Variants in DPP6 observed in about 807,000 individuals in gnomAD.
DPP6 encodes A-type potassium channel modulatory protein DPP6.
Under a neutral mutation model 122.6 loss-of-function variants are expected in DPP6, and 69 were observed. The observed-to-expected ratio is 0.56, with a 90% confidence interval of 0.46 to 0.69. The LOEUF (loss-of-function observed/expected upper bound fraction) is 0.69. DPP6 is among the 30% of genes least tolerant of loss of function. The pLI, the probability that DPP6 is intolerant of heterozygous loss-of-function variation, is 0.00. For synonymous variants in DPP6, 418 were observed against 433.1 expected (o/e 0.97, Z 0.43); for missense variants, 928 against 1,116.9 (o/e 0.83, Z 2.41).
In DPP6 at chr7:154,477,044, A is replaced by G. The variant is rs571183990; in HGVS notation, c.457+2007A>G. 2.1e-3 allele frequency among the ~76,000 whole-genome samples: 323 copies of G among 151,860 alleles called. 1 individual carries two copies. The highest frequency in any genetic ancestry group is 3.7e-3 in the Non-Finnish European group (252 of 67,950). ...CGGTTAACTGTAATCATGCCATTGC[A>G]CTCCAACCTGGGTGACAGAGCGAGA... On this transcript the variant is annotated intron_variant, in intron 3 of 25. Coordinates refer to ENST00000377770, the MANE Select transcript of DPP6 (RefSeq NM_130797.4).
chr7:153,830,849 T>G, the DPP6 span, among the ~76,000 whole-genome samples: 3 of 152,268 alleles, frequency 2.0e-5, no homozygotes, highest in Non-Finnish European at 4.4e-5. Context: ...TACGTCATTC[T>G]ATTAAATACT....
At chr7:154,672,469 C>A (rs192559854) in intron 7 of DPP6, among the ~76,000 whole-genome samples, 1 of 152,334 alleles carries the variant, frequency 6.6e-6, no homozygotes, top group African/African-American at 2.4e-5. Flanking sequence ...TTAGTTAATA[C>A]ATTTTTGTGG....
At chr7:154,446,429 T>C (rs1000469324) in intron 2 of DPP6, 101 bp downstream of exon 2, 4 of 696,044 alleles carry the variant, frequency 5.7e-6, no homozygotes, top group South Asian at 2.7e-5. Flanking sequence ...ACATAATTTA[T>C]TTTTCCCAAG....
intron 7 of DPP6, among the ~76,000 whole-genome samples, chr7:154,714,628 A>G (rs1371576053): frequency 6.6e-6 from 1 of 152,166 alleles, no homozygotes; most frequent in Non-Finnish European, 1.5e-5. Context: ...AAACTGCCCC[A>G]TGATTCAATT....
chr7:154,160,277 A>G (rs1169717990), intron 1 of DPP6, among the ~76,000 whole-genome samples: 2 of 152,142 alleles, frequency 1.3e-5, no homozygotes, highest in Non-Finnish European at 2.9e-5. Context: ...AGCATCATGT[A>G]TAAATGGAGC....
chr7:153,915,192 A>C (rs1800254850), intron 1 of DPP6, among the ~76,000 whole-genome samples: 1 of 152,200 alleles, frequency 6.6e-6, no homozygotes, highest in Non-Finnish European at 1.5e-5. Context: ...TCCGCCCAAC[A>C]AAGAACCTTC....
the DPP6 span, among the ~76,000 whole-genome samples, chr7:153,846,635 T>C: frequency 6.6e-6 from 1 of 151,864 alleles, no homozygotes; most frequent in Admixed American, 6.6e-5. Context: ...CAATTCCAAT[T>C]ATATGTGTGT....
intron 1 of DPP6, among the ~76,000 whole-genome samples, chr7:154,368,494 G>C (rs1812368842): frequency 6.6e-6 from 1 of 152,230 alleles, no homozygotes; most frequent in South Asian, 2.1e-4. Flanking sequence ...TGCGGCTGCA[G>C]TGTTTACTCC....
Position 154,727,791 on chromosome 7 carries a change from T to A in DPP6, c.787T>A (p.Tyr263Asn). The A allele has an allele frequency of 6.2e-7, 1 of 1,613,806 alleles. No homozygotes were observed. The highest frequency in any genetic ancestry group is 2.2e-5 in the East Asian group (1 of 44,888). Reference protein sequence around the residue: ...QLIFIFENNIYYCAHVGKQAI... With the variant: ...QLIFIFENNINYCAHVGKQAI... The stretch of plus-strand genomic sequence containing the variant: ...GATATTTATTTTTGAAAACAATATC[T>A]ACTACTGTGCACATGTCGGGAAACA... The change falls in exon 8 of 26, where the codon TAC becomes AAC. Residue 263 changes from tyrosine (Y) to asparagine (N), a missense_variant. Transcript: ENST00000377770.
intron 1 of DPP6, among the ~76,000 whole-genome samples, chr7:154,114,650 C>T (rs1228446954): frequency 1.3e-5 from 2 of 152,178 alleles, no homozygotes; most frequent in African/African-American, 4.8e-5. Context: ...CGTTGCTCAA[C>T]TCCCAGGCAC....
intron 7 of DPP6, among the ~76,000 whole-genome samples, chr7:154,679,441 G>A (rs554144879): frequency 6.6e-6 from 1 of 152,236 alleles, no homozygotes; most frequent in East Asian, 1.9e-4. Context: ...CCTGCATCCG[G>A]TCCGCAGTTC....
intron 3 of DPP6, among the ~76,000 whole-genome samples, chr7:154,504,049 T>A (rs950830310): frequency 6.6e-6 from 1 of 152,226 alleles, no homozygotes; most frequent in Non-Finnish European, 1.5e-5. Context: ...CTTGCTAACA[T>A]TGATGAATTT....
the DPP6 span, among the ~76,000 whole-genome samples, chr7:153,749,024 C>T: frequency 6.6e-6 from 1 of 152,078 alleles, no homozygotes; most frequent in Non-Finnish European, 1.5e-5. The surrounding 1 kb of genome is among the most constrained non-coding windows in gnomAD (Gnocchi z 4.1). Flanking sequence ...GGACCAGCGA[C>T]GGAGGGGGCT....
At chr7:154,496,147 A>G (rs1229494861) in intron 3 of DPP6, among the ~76,000 whole-genome samples, 1 of 152,200 alleles carries the variant, frequency 6.6e-6, no homozygotes, top group Non-Finnish European at 1.5e-5. Flanking sequence ...GGAGATGCCT[A>G]TGATATGTTT....
intron 16 of DPP6, among the ~76,000 whole-genome samples, chr7:154,830,019 T>C (rs1275366246): frequency 1.3e-5 from 2 of 152,174 alleles, no homozygotes; most frequent in East Asian, 1.9e-4. Context: ...GATAGCTCCT[T>C]CCCAGACTTT....
intron 17 of DPP6, among the ~76,000 whole-genome samples, chr7:154,862,366 A>G (rs2150604028): frequency 6.6e-6 from 1 of 152,324 alleles, no homozygotes; most frequent in South Asian, 2.1e-4. Flanking sequence ...ACGTGTCTGC[A>G]CTCGAAATCT....
chr7:154,740,600 A>G (rs1189741359), intron 8 of DPP6, among the ~76,000 whole-genome samples: 1 of 152,186 alleles, frequency 6.6e-6, no homozygotes, highest in Non-Finnish European at 1.5e-5. Context: ...TTCATGTTTA[A>G]TTATCAGTGC....
chr7:153,887,784 G>A, intron 1 of DPP6: 2 of 1,599,300 alleles, frequency 1.3e-6, no homozygotes, highest in Non-Finnish European at 8.6e-7. Flanking sequence ...CCCACCGTGA[G>A]GAGCGATGCT....
chr7:154,316,725 T>C (rs1269874060), intron 1 of DPP6, among the ~76,000 whole-genome samples: 1 of 152,134 alleles, frequency 6.6e-6, no homozygotes, highest in Non-Finnish European at 1.5e-5. Context: ...TCATTGTAGG[T>C]TCAGGAGAGA....
Sources: allele counts gnomAD v4.1 joint callset (sites outside exome capture counted in the v4.1 genomes callset), GRCh38; gene constraint gnomAD v4.1.1; non-coding constraint Gnocchi (gnomAD v3.1); transcripts MANE v1.5; gene names NCBI Gene and HGNC (gene_info 2026-07-23, HGNC 2026-07-21).